Variants in MMP20 observed in about 807,000 individuals in gnomAD.
MMP20 encodes the protein matrix metallopeptidase 20.
MMP20 carries 50 observed loss-of-function variants against 51.8 expected under a neutral mutation model. The observed-to-expected ratio is 0.97, with a 90% confidence interval of 0.77 to 1.22. MMP20 has a LOEUF of 1.22. Among genes scored for constraint, MMP20 ranks in the 50% most tolerant of loss-of-function variants. The pLI, the probability that MMP20 is intolerant of heterozygous loss-of-function variation, is 0.00. For missense variants in MMP20, 663 were observed against 601.4 expected (o/e 1.10, Z -1.07); for synonymous variants, 244 against 216.2 (o/e 1.13, Z -1.13).
intron 8 of MMP20, among the ~76,000 whole-genome samples, chr11:102,583,923 C>G (rs751819748): frequency 1.3e-5 from 2 of 152,152 alleles, no homozygotes; most frequent in African/African-American, 2.4e-5. Context: ...GTATAATGCT[C>G]TCAAGATTCA....
At chr11:102,607,318 G>A (rs1317886807) in intron 5 of MMP20, 2 of 159,758 alleles carry the variant, frequency 1.3e-5, no homozygotes, top group African/African-American at 4.8e-5. Context: ...TCTTGCGAGA[G>A]CTATCAGTGA....
At chr11:102,577,816 T>C (rs375787699) in intron 9 of MMP20, among the ~76,000 whole-genome samples, 11 of 152,356 alleles carry the variant, frequency 7.2e-5, no homozygotes, top group African/African-American at 2.2e-4. Context: ...CTGCCGATTC[T>C]GATATTTTAA....
chr11:102,592,232 CCT>C (rs1218437722), intron 8 of MMP20, among the ~76,000 whole-genome samples: 2 of 152,196 alleles, frequency 1.3e-5, no homozygotes, highest in South Asian at 2.1e-4. Context: ...TAAGTGAATT[CCT>C]GTCATCATGT....
chr11:102,609,651 G>C (rs944814182), intron 4 of MMP20, among the ~76,000 whole-genome samples: 6 of 152,206 alleles, frequency 3.9e-5, no homozygotes, highest in Non-Finnish European at 7.3e-5. Flanking sequence ...AAGGAAACGA[G>C]AGCAGTGCGT....
intron 8 of MMP20, among the ~76,000 whole-genome samples, chr11:102,591,704 A>G (rs1859319207): frequency 6.6e-6 from 1 of 152,228 alleles, no homozygotes; most frequent in Non-Finnish European, 1.5e-5. Flanking sequence ...ACTTCTCCTT[A>G]GTAGACACTC....
chr11:102,609,426 G>A (rs952278065), intron 4 of MMP20, among the ~76,000 whole-genome samples: 3 of 152,122 alleles, frequency 2.0e-5, no homozygotes, highest in South Asian at 2.1e-4. Context: ...CATAAATTTA[G>A]ACCACAAATG....
Position 102,606,523 on chromosome 11 carries a change from T to A in MMP20, c.953+12A>T. 6.2e-7 allele frequency: 1 copy of A among 1,613,688 alleles called. No homozygotes were observed. Among genetic ancestry groups the A allele is most frequent in the Non-Finnish European group, 8.5e-7 (1 of 1,179,744 alleles). On this transcript the variant is annotated intron_variant, in intron 6 of 9. Coordinates refer to ENST00000260228, the MANE Select transcript of MMP20 (RefSeq NM_004771.4). Reference sequence around the variant, plus strand: ...AGGCCCAATGAGAGTCGGTGGCGTGTCTGAGGCTTACCGGTCCTTGAAGAG... The same window carrying A: ...AGGCCCAATGAGAGTCGGTGGCGTGACTGAGGCTTACCGGTCCTTGAAGAG...
chr11:102,622,080 T>C (rs1284390065), intron 1 of MMP20, among the ~76,000 whole-genome samples: 2 of 152,246 alleles, frequency 1.3e-5, no homozygotes, highest in Non-Finnish European at 2.9e-5. Context: ...CATCTTACCA[T>C]TTTCAAAGCA....
At position 102,609,929 on chromosome 11, in the gene MMP20, C is replaced by G. The variant is rs199788797; in HGVS notation, c.625G>C (p.Glu209Gln). The G allele has an allele frequency of 3.2e-5, 51 of 1,614,052 alleles. 2 individuals are homozygous for G. In the South Asian group the frequency reaches 5.5e-4, roughly 17 times the overall value. The change falls in exon 4 of 10, where the codon GAG (glutamate) becomes CAG (glutamine). Residue 209 changes from glutamate (E) to glutamine (Q), a missense_variant. By Grantham distance (29) the Glu-to-Gln change is conservative. Coordinates refer to ENST00000260228, the MANE Select transcript of MMP20 (RefSeq NM_004771.4). ...LGGDTHFDNA[E>Q]KWTMGTNGFN... ...CCATTCGTTCCCATAGTCCACTTCT[C>G]AGCATTGTCGAAATGTGTATCTCCT...
intron 8 of MMP20, among the ~76,000 whole-genome samples, chr11:102,588,185 A>G (rs182406315): frequency 3.0e-4 from 46 of 152,244 alleles, no homozygotes; most frequent in African/African-American, 9.9e-4. Flanking sequence ...CTTAAGACTT[A>G]TACTAAATTA....
Position 102,588,376 on chromosome 11 carries a change from T to C in MMP20, c.1247+5063A>G, listed in dbSNP as rs574584012. On this transcript the variant is annotated intron_variant, in intron 8 of 9. Transcript: ENST00000260228. Reference sequence around the variant, plus strand: ...GAAGCTGAGAAGAGAAAAGAGAAGATGTATATATTTGCAGCTTTTGTTATA... The same window carrying C: ...GAAGCTGAGAAGAGAAAAGAGAAGACGTATATATTTGCAGCTTTTGTTATA... 1.7e-4 allele frequency among the ~76,000 whole-genome samples: 26 copies of C among 152,220 alleles called. No homozygotes were observed. The East Asian group carries it at 5.0e-3, about 29-fold the overall frequency.
Position 102,613,370 on chromosome 11 carries a change from TTCTC to T in MMP20, c.375-1471_375-1468del, listed in dbSNP as rs370707767. Among the ~76,000 whole-genome samples the T allele has an allele frequency of 3.4e-3, 506 of 151,038 alleles. 6 individuals carry two copies. Among genetic ancestry groups the T allele is most frequent in the African/African-American group, 0.012 (488 of 41,350 alleles). On this transcript the variant is annotated intron_variant, in intron 2 of 9. Transcript: ENST00000260228. ...CCCATGAGCAGGGACCGGCCCTGCTTTCTCTCTCTCTCTCTAGCTCCTAGTTTAG... is the reference window on the plus strand; with the variant it reads ...CCCATGAGCAGGGACCGGCCCTGCTTTCTCTCTCTCTAGCTCCTAGTTTAG...
chr11:102,585,235 C>T (rs963080431), intron 8 of MMP20, among the ~76,000 whole-genome samples: 2 of 152,142 alleles, frequency 1.3e-5, no homozygotes, highest in African/African-American at 2.4e-5. Context: ...CATCCATGAA[C>T]ATGAGATATC....
At position 102,594,797 on chromosome 11, in the gene MMP20, A is replaced by G. The variant is rs369768517; in HGVS notation, c.954-40T>C. Reference sequence around the variant, plus strand: ...AAAAAAAAAAAAAAAAAAAATCAAGATCAATGATTGATTTACATATAAAAT... The same window carrying G: ...AAAAAAAAAAAAAAAAAAAATCAAGGTCAATGATTGATTTACATATAAAAT... On this transcript the variant is annotated intron_variant, in intron 6 of 9. Coordinates refer to ENST00000260228, the MANE Select transcript of MMP20 (RefSeq NM_004771.4). The G allele has an allele frequency of 1.9e-6, 3 of 1,588,310 alleles. No homozygotes were observed. The African/African-American group carries it at 4.1e-5, about 22-fold the overall frequency.
At chr11:102,601,343 G>A (rs1192923627) in intron 6 of MMP20, among the ~76,000 whole-genome samples, 2 of 40,866 alleles carry the variant, frequency 4.9e-5, no homozygotes, top group Non-Finnish European at 1.3e-4. Context: ...CGTTTTAGCC[G>A]GGATGGTCTC....
At chr11:102,584,389 G>T (rs1003325351) in intron 8 of MMP20, among the ~76,000 whole-genome samples, 2 of 152,120 alleles carry the variant, frequency 1.3e-5, no homozygotes, top group African/African-American at 4.8e-5. Context: ...TTGATGTTGA[G>T]CATCTTTTCA....
Position 102,620,562 on chromosome 11 carries a change from T to C in MMP20, c.127-3503A>G, listed in dbSNP as rs75333501. Among the ~76,000 whole-genome samples, 1,023 of 152,264 alleles carry C rather than the reference T, an allele frequency of 6.7e-3. 16 individuals carry two copies. Among genetic ancestry groups the C allele is most frequent in the African/African-American group, 0.023 (975 of 41,536 alleles). ...GGTGGTCCTCTCTCCACTTCTCTTC[T>C]GGTATCTGACAGATAAAAGTACAGG... is the stretch of plus-strand genomic sequence containing the variant. On this transcript the variant is annotated intron_variant, in intron 1 of 9. Coordinates refer to ENST00000260228, the MANE Select transcript of MMP20 (RefSeq NM_004771.4).
intron 6 of MMP20, among the ~76,000 whole-genome samples, chr11:102,603,098 G>A (rs1310934765): frequency 1.3e-5 from 2 of 152,132 alleles, no homozygotes; most frequent in East Asian, 1.9e-4. Context: ...CAAATCTCAC[G>A]GTGACTTTAA....
Position 102,577,284 on chromosome 11 carries a change from T to C in MMP20, c.*42A>G, listed in dbSNP as rs1201477673. 2.2e-6 allele frequency: 3 copies of C among 1,342,172 alleles called. No homozygotes were observed. Among genetic ancestry groups the C allele is most frequent in the South Asian group, 2.3e-5 (2 of 85,456 alleles). The allele number at this position is 1,342,172 out of a possible 1,614,324, so 83.1% of individuals were successfully genotyped here. ...TCCTTAAGATCCAGTTAGAGGCTGCTTGTAGTCATCCTCATTGCTTGAGAA... is the reference window on the plus strand; with the variant it reads ...TCCTTAAGATCCAGTTAGAGGCTGCCTGTAGTCATCCTCATTGCTTGAGAA... On this transcript the variant is annotated 3_prime_UTR_variant, in exon 10 of 10. Coordinates refer to ENST00000260228, the MANE Select transcript of MMP20 (RefSeq NM_004771.4).
Sources: allele counts gnomAD v4.1 joint callset (sites outside exome capture counted in the v4.1 genomes callset), GRCh38; gene constraint gnomAD v4.1.1; transcripts MANE v1.5; gene names NCBI Gene and HGNC (gene_info 2026-07-23, HGNC 2026-07-21).